EIF4E3: variants seen among roughly 807,000 people sequenced by gnomAD.
The protein encoded by EIF4E3 is eukaryotic translation initiation factor 4E family member 3, also known as eukaryotic translation initiation factor 4E type 3.
In EIF4E3, 26 loss-of-function variants were observed where a neutral mutation model predicts 31.7. The observed-to-expected ratio is 0.82, with a 90% CI of 0.60 to 1.14. The LOEUF (loss-of-function observed/expected upper bound fraction) is 1.14. EIF4E3 is among the 50% of genes most tolerant of loss of function. The pLI is 0.00. For missense variants in EIF4E3, 304 were observed against 270.9 expected, an observed-to-expected ratio of 1.12 and a Z score of -0.86; for synonymous variants, 128 against 107.7, an observed-to-expected ratio of 1.19 and a Z score of -1.17.
At chr3:71,704,279 G>C (rs567004526) in intron 2 of EIF4E3, among the ~76,000 whole-genome samples, 184 of 152,294 alleles carry the variant, frequency 1.2e-3, no homozygotes, top group African/African-American at 4.3e-3. Context: ...AGGACAGTGG[G>C]GTTAAAACCC....
chr3:71,731,332 C>T (rs2049703905), intron 1 of EIF4E3, among the ~76,000 whole-genome samples: 1 of 152,202 alleles, frequency 6.6e-6, no homozygotes, highest in South Asian at 2.1e-4. Flanking sequence ...TCTCTGTGGC[C>T]ACAGGGCACC....
chr3:71,738,978 GTATATATATATATATATA>G (rs56982495), intron 1 of EIF4E3, among the ~76,000 whole-genome samples: 20 of 95,814 alleles, frequency 2.1e-4, no homozygotes, highest in East Asian at 1.3e-3. Context: ...AAATTGAACA[GTATATATATATATATATA>G]TATATATATA....
At chr3:71,710,765 A>T (rs2049367146) in intron 1 of EIF4E3, among the ~76,000 whole-genome samples, 1 of 152,218 alleles carries the variant, frequency 6.6e-6, no homozygotes, top group Non-Finnish European at 1.5e-5. Flanking sequence ...CCTGAAAATC[A>T]CATTTTAAAA....
At chr3:71,689,973 TA>T in intron 6 of EIF4E3, 36 bp downstream of exon 6, 1 of 1,540,536 alleles carries the variant, frequency 6.5e-7, no homozygotes, top group Non-Finnish European at 8.8e-7. Flanking sequence ...TATGATAGAG[TA>T]AGCTAGAAAG....
intron 1 of EIF4E3, among the ~76,000 whole-genome samples, chr3:71,741,628 TA>T (rs2049822192): frequency 1.3e-5 from 2 of 152,142 alleles, no homozygotes; most frequent in Non-Finnish European, 2.9e-5. Context: ...AGAAATTTAG[TA>T]AGAACATAAA....
At chr3:71,698,624 T>A (rs2049172588) in intron 3 of EIF4E3, among the ~76,000 whole-genome samples, 2 of 152,180 alleles carry the variant, frequency 1.3e-5, no homozygotes, top group Non-Finnish European at 2.9e-5. Flanking sequence ...CTCTTCCTAG[T>A]CTTTGTGATT....
chr3:71,723,712 C>T (rs566377431), intron 1 of EIF4E3, among the ~76,000 whole-genome samples: 3 of 152,232 alleles, frequency 2.0e-5, no homozygotes, highest in Admixed American at 2.0e-4. Context: ...AAACAGATAC[C>T]AGGTAACAAT....
At position 71,679,528 on chromosome 3, in the gene EIF4E3, A is replaced by C. The variant is rs189762842; in HGVS notation, c.*5154T>G. On this transcript the variant is annotated 3_prime_UTR_variant, in exon 7 of 7. Coordinates refer to ENST00000425534, the MANE Select transcript of EIF4E3 (RefSeq NM_001134651.2). ...TTTCTGAAGGACACAAAAGCATAGAATATCCAAAAGCTATTGTATTGGATA... is the reference window on the plus strand; with the variant it reads ...TTTCTGAAGGACACAAAAGCATAGACTATCCAAAAGCTATTGTATTGGATA... 6.6e-6 allele frequency: 1 copy of C among 152,202 alleles called. No homozygotes were observed. The highest frequency in any genetic ancestry group is 2.1e-4 in the South Asian group (1 of 4,830). 9.4% of individuals were successfully genotyped at this position (152,202 alleles called of 1,614,324 possible). A position where few individuals can be genotyped will look rare whatever the true frequency, so the allele number is the denominator to read the frequency against.
At chr3:71,662,061 A>G in the EIF4E3 span, among the ~76,000 whole-genome samples, 2 of 152,214 alleles carry the variant, frequency 1.3e-5, no homozygotes, top group Non-Finnish European at 2.9e-5. Flanking sequence ...TGCTTGATAA[A>G]TGTTATCATT....
intron 2 of EIF4E3, among the ~76,000 whole-genome samples, chr3:71,704,750 T>C (rs1041362072): frequency 3.9e-5 from 6 of 152,170 alleles, no homozygotes; most frequent in African/African-American, 1.4e-4. Context: ...AAGAGGGTGG[T>C]CATTTTTCCC....
At chr3:71,744,023 CA>C (rs1307727752) in intron 1 of EIF4E3, among the ~76,000 whole-genome samples, 8 of 151,960 alleles carry the variant, frequency 5.3e-5, no homozygotes, top group African/African-American at 1.9e-4. Context: ...AAAATTTTCA[CA>C]ACCATGGTTT....
intron 1 of EIF4E3, among the ~76,000 whole-genome samples, chr3:71,714,306 G>A (rs914158074): frequency 1.9e-5 from 2 of 107,352 alleles, no homozygotes; most frequent in South Asian, 2.6e-4. Context: ...AGGAAGGAAC[G>A]AAAGAAAGGA....
upstream of EIF4E3, among the ~76,000 whole-genome samples, chr3:71,726,054 G>T (rs966337084): frequency 2.0e-5 from 3 of 152,132 alleles, no homozygotes; most frequent in Admixed American, 1.3e-4. Flanking sequence ...CCACCGACTG[G>T]GGCATGAGGT....
At position 71,681,864 on chromosome 3, in the gene EIF4E3, T is replaced by C. The variant is rs1470214184; in HGVS notation, c.*2818A>G. On this transcript the variant is annotated 3_prime_UTR_variant, in exon 7 of 7. Coordinates refer to ENST00000425534, the MANE Select transcript of EIF4E3 (RefSeq NM_001134651.2). Reference sequence around the variant, plus strand: ...GGTGAGAAAGAGTCATCTTAATCTTTAATTTAAAGTTTATTAGAGTTGTGG... The same window carrying C: ...GGTGAGAAAGAGTCATCTTAATCTTCAATTTAAAGTTTATTAGAGTTGTGG... 6.6e-6 allele frequency: 1 copy of C among 152,230 alleles called. No homozygotes were observed. Among genetic ancestry groups the C allele is most frequent in the Non-Finnish European group, 1.5e-5 (1 of 68,044 alleles). The allele number at this position is 152,230 out of a possible 1,614,324, so 9.4% of individuals were successfully genotyped here.
intron 1 of EIF4E3, among the ~76,000 whole-genome samples, chr3:71,721,615 T>C (rs1455982361): frequency 2.0e-5 from 3 of 152,096 alleles, no homozygotes; most frequent in African/African-American, 4.8e-5. Context: ...TGAGATCTGA[T>C]GATTTTATAA....
At position 71,710,474 on chromosome 3, in the gene EIF4E3, C is replaced by T; in HGVS notation, c.187G>A (p.Gly63Ser). Residue 63 changes from glycine to serine, a missense_variant, in exon 2 of 7, where the codon GGT becomes AGT. Transcript: ENST00000425534. ...GATGCGCACTCAGCTGCTGTGGCAC[C>T]AGGGAGGGATCTAGGCAAGCAGGAG... ...WTFWLDRSLP[G>S]ATAAECASNL... The T allele has an allele frequency of 6.4e-7, 1 of 1,552,066 alleles. No homozygotes were observed. Among genetic ancestry groups the T allele is most frequent in the Non-Finnish European group, 8.7e-7 (1 of 1,147,088 alleles).
At chr3:71,700,797 A>G (rs2049205511) in intron 2 of EIF4E3, among the ~76,000 whole-genome samples, 1 of 152,118 alleles carries the variant, frequency 6.6e-6, no homozygotes, top group South Asian at 2.1e-4. Context: ...TGAAACAACA[A>G]GCTGCGCAAG....
chr3:71,702,213 T>C (rs1326323523), intron 2 of EIF4E3, among the ~76,000 whole-genome samples: 2 of 152,208 alleles, frequency 1.3e-5, no homozygotes, highest in Admixed American at 1.3e-4. Context: ...ATGCCCATAA[T>C]TCACAAGAGG....
chr3:71,725,939 G>T (rs1436864767), upstream of EIF4E3, among the ~76,000 whole-genome samples: 1 of 152,170 alleles, frequency 6.6e-6, no homozygotes, highest in East Asian at 1.9e-4. The surrounding 1 kb of genome is among the most constrained non-coding windows in gnomAD (Gnocchi z 6.1). Context: ...GCACAGTTGG[G>T]TGTGACAGAT....
Sources: gnomAD v4.1 joint callset for allele counts (sites outside exome capture counted in the v4.1 genomes callset) on GRCh38, gnomAD v4.1.1 for gene constraint, Gnocchi (gnomAD v3.1) non-coding constraint, MANE v1.5 for transcripts, NCBI Gene and HGNC (gene_info 2026-07-23, HGNC 2026-07-21) for gene names.